ASAP1: variants seen among roughly 807,000 people sequenced by gnomAD.
ASAP1 encodes ArfGAP with SH3 domain, ankyrin repeat and PH domain 1.
A neutral mutation model predicts 145.2 loss-of-function variants in ASAP1; 43 were observed. The observed-to-expected ratio is 0.30, with a 90% CI of 0.23 to 0.38. The LOEUF (loss-of-function observed/expected upper bound fraction) is 0.38. Among genes scored for constraint, ASAP1 ranks in the 10% least tolerant of loss-of-function variants. The pLI, the probability that ASAP1 is intolerant of heterozygous loss-of-function variation, is 1.00. For missense variants in ASAP1, 1,018 were observed against 1,355.3 expected, an observed-to-expected ratio of 0.75 and a Z score of 3.91; for synonymous variants, 546 against 515.5, an observed-to-expected ratio of 1.06 and a Z score of -0.80.
chr8:130,396,840 G>A (rs537635520), intron 2 of ASAP1, among the ~76,000 whole-genome samples: 1 of 152,304 alleles, frequency 6.6e-6, no homozygotes, highest in African/African-American at 2.4e-5. Context: ...GGGAGGAGGA[G>A]TCACAGAGGT....
chr8:130,071,775 G>A (rs1045290558), intron 27 of ASAP1, among the ~76,000 whole-genome samples: 8 of 152,162 alleles, frequency 5.3e-5, no homozygotes, highest in Non-Finnish European at 8.8e-5. Flanking sequence ...AAACCTGAGT[G>A]TCCTCATCAT....
chr8:130,365,093 C>T (rs1370962523), intron 2 of ASAP1, among the ~76,000 whole-genome samples: 1 of 152,196 alleles, frequency 6.6e-6, no homozygotes, highest in Non-Finnish European at 1.5e-5. Flanking sequence ...TCACCTACAT[C>T]CCCCAGCAAC....
intron 11 of ASAP1, 129 bp downstream of exon 11, chr8:130,167,407 G>T: frequency 1.2e-6 from 1 of 822,092 alleles, no homozygotes. Flanking sequence ...TCTACATGGG[G>T]CTTATGGTAG....
chr8:130,402,191 G>A (rs949976141), intron 1 of ASAP1, among the ~76,000 whole-genome samples: 1 of 152,170 alleles, frequency 6.6e-6, no homozygotes, highest in African/African-American at 2.4e-5. Context: ...GCAAGTAAGT[G>A]CTCAGGAATC....
chr8:130,237,006 A>C lies in ASAP1; in HGVS notation c.187-12T>G. The C allele has an allele frequency of 6.5e-7, 1 of 1,539,118 alleles. No homozygotes were observed. The highest frequency in any genetic ancestry group is 2.0e-5 in the Admixed American group (1 of 49,760). On this transcript the variant is annotated splice_polypyrimidine_tract_variant and intron_variant, in intron 3 of 29. Transcript: ENST00000518721. ...TCTTGGTCTAGAGCCTAAAAGAGAA[A>C]AAAGGGGGAAAAGATATTAGAAGAT...
chr8:130,390,432 C>T (rs78030960), intron 2 of ASAP1, among the ~76,000 whole-genome samples: 4,621 of 152,210 alleles, frequency 0.03, 106 homozygotes, highest in Middle Eastern at 0.092. Flanking sequence ...ACTAAGGCAC[C>T]AAACTCAGTC....
intron 3 of ASAP1, among the ~76,000 whole-genome samples, chr8:130,274,831 T>G (rs1157025257): frequency 6.6e-6 from 1 of 152,224 alleles, no homozygotes; most frequent in African/African-American, 2.4e-5. Flanking sequence ...AGTACAGGAT[T>G]GGATTGGCTC....
At chr8:130,100,454 C>T (rs572054749) in intron 24 of ASAP1, among the ~76,000 whole-genome samples, 2 of 152,034 alleles carry the variant, frequency 1.3e-5, no homozygotes, top group Admixed American at 1.3e-4. Context: ...CTCAGCCTCC[C>T]GAGTAGCTGG....
chr8:130,248,221 C>T (rs1490951934), intron 3 of ASAP1, among the ~76,000 whole-genome samples: 2 of 148,980 alleles, frequency 1.3e-5, no homozygotes, highest in Non-Finnish European at 3.0e-5. Flanking sequence ...TGGCGGGTGC[C>T]GGGGGGGTTG....
At chr8:130,273,374 G>A (rs780202498) in intron 3 of ASAP1, among the ~76,000 whole-genome samples, 22 of 152,146 alleles carry the variant, frequency 1.4e-4, no homozygotes, top group Non-Finnish European at 2.9e-4. Flanking sequence ...GCAGGGTCAC[G>A]CCTGCTTCCA....
At chr8:130,283,176 T>G (rs777147541) in intron 3 of ASAP1, among the ~76,000 whole-genome samples, 15 of 152,244 alleles carry the variant, frequency 9.9e-5, no homozygotes, top group Middle Eastern at 3.4e-3. Flanking sequence ...AGGAAAAATA[T>G]ATCCACACCA....
chr8:130,437,755 C>T (rs1370557604), intron 1 of ASAP1, among the ~76,000 whole-genome samples: 1 of 152,144 alleles, frequency 6.6e-6, no homozygotes, highest in Non-Finnish European at 1.5e-5. Flanking sequence ...CGCGGGTGGG[C>T]GCTGTCTTGA....
intron 25 of ASAP1, among the ~76,000 whole-genome samples, chr8:130,088,242 T>C (rs1443195451): frequency 6.6e-6 from 1 of 152,214 alleles, no homozygotes. Flanking sequence ...GCGATTCTCC[T>C]GTCTTAGCCT....
intron 3 of ASAP1, among the ~76,000 whole-genome samples, chr8:130,357,008 T>C (rs1486158271): frequency 6.6e-6 from 1 of 152,182 alleles, no homozygotes; most frequent in African/African-American, 2.4e-5. Context: ...TGAAATACGT[T>C]TGCCTTGTTT....
chr8:130,073,802 G>A (rs1309967626), intron 27 of ASAP1, among the ~76,000 whole-genome samples: 6 of 152,166 alleles, frequency 3.9e-5, no homozygotes, highest in African/African-American at 1.4e-4. Context: ...GAGACAATGC[G>A]ATGGTGTACA....
Position 130,061,042 on chromosome 8 carries a change from G to A in ASAP1, c.2729C>T (p.Ser910Phe), listed in dbSNP as rs2097418459. ...KVALRKTDHL[S>F]LDKATIPPEI... ...GGGCGGGATGGTGGCTTTGTCTAGGGAGAGATGATCTGTTTTCCTTAGTGC... is the reference window on the plus strand; with the variant it reads ...GGGCGGGATGGTGGCTTTGTCTAGGAAGAGATGATCTGTTTTCCTTAGTGC... The change falls in exon 28 of 30, where the codon TCC becomes TTC. Residue 910 changes from serine to phenylalanine, a missense_variant. Ser to Phe is a radical substitution (Grantham distance 155). Coordinates refer to ENST00000518721, the MANE Select transcript of ASAP1 (RefSeq NM_018482.4). 6.5e-7 allele frequency: 1 copy of A among 1,531,614 alleles called. No individual in the cohort carries two copies. The highest frequency in any genetic ancestry group is 2.3e-5 in the East Asian group (1 of 44,338). 94.9% of individuals were successfully genotyped at this position (1,531,614 alleles called of 1,614,324 possible). A position where few individuals can be genotyped will look rare whatever the true frequency, so the allele number is the denominator to read the frequency against.
chr8:130,275,040 T>C (rs1279777620), intron 3 of ASAP1, among the ~76,000 whole-genome samples: 1 of 152,240 alleles, frequency 6.6e-6, no homozygotes, highest in Non-Finnish European at 1.5e-5. Flanking sequence ...CTGGATGACC[T>C]TGAGCTACTT....
chr8:130,285,827 T>C (rs1259895453), intron 3 of ASAP1, among the ~76,000 whole-genome samples: 3 of 152,246 alleles, frequency 2.0e-5, no homozygotes, highest in African/African-American at 7.2e-5. Context: ...GATGTAACTT[T>C]ATCACGTTCT....
intron 3 of ASAP1, among the ~76,000 whole-genome samples, chr8:130,268,527 AC>A (rs1471393876): frequency 1.3e-4 from 19 of 148,428 alleles, no homozygotes; most frequent in African/African-American, 4.7e-4. Flanking sequence ...ACACACACAC[AC>A]ACACACAACT....
Sources: allele counts gnomAD v4.1 joint callset (sites outside exome capture counted in the v4.1 genomes callset), GRCh38; gene constraint gnomAD v4.1.1; transcripts MANE v1.5; gene names NCBI Gene and HGNC (gene_info 2026-07-23, HGNC 2026-07-21).